The following ALDH1A2 variants were observed in gnomAD, a reference collection of about 807,000 sequenced individuals.
The protein encoded by ALDH1A2 is aldehyde dehydrogenase 1 family member A2, also known as retinal dehydrogenase 2.
Under a neutral mutation model 60.3 loss-of-function variants are expected in ALDH1A2, and 27 were observed. The observed-to-expected ratio is 0.45, with a 90% CI of 0.33 to 0.62. The LOEUF (loss-of-function observed/expected upper bound fraction) is 0.62. Among genes scored for constraint, ALDH1A2 ranks in the 20% least tolerant of loss-of-function variants. The pLI is 0.02. For synonymous variants in ALDH1A2, 289 were observed against 232.4 expected, an observed-to-expected ratio of 1.24 and a Z score of -2.21; for missense variants, 581 against 643.8, an observed-to-expected ratio of 0.90 and a Z score of 1.06.
intron 1 of ALDH1A2, among the ~76,000 whole-genome samples, chr15:58,025,128 T>C (rs1364834262): frequency 2.0e-5 from 3 of 151,796 alleles, no homozygotes; most frequent in East Asian, 1.9e-4. Context: ...CTTGAGAAAC[T>C]AGAAAAACGC....
At chr15:58,004,440 A>G (rs1026051668) in intron 4 of ALDH1A2, among the ~76,000 whole-genome samples, 2 of 151,766 alleles carry the variant, frequency 1.3e-5, no homozygotes, top group Admixed American at 6.6e-5. Context: ...TCAACGTGGT[A>G]CCCAACAGGT....
intron 7 of ALDH1A2, among the ~76,000 whole-genome samples, chr15:57,967,500 T>A (rs577332716): frequency 6.6e-6 from 1 of 152,236 alleles, no homozygotes; most frequent in African/African-American, 2.4e-5. Context: ...TCTCCCAAAC[T>A]GCCTGTGCTG....
chr15:57,999,166 A>G (rs1472314669), intron 4 of ALDH1A2, among the ~76,000 whole-genome samples: 1 of 152,180 alleles, frequency 6.6e-6, no homozygotes, highest in Non-Finnish European at 1.5e-5. Context: ...GAAAACGTCA[A>G]AAGCAATCGC....
At chr15:57,989,494 A>G (rs546968055) in intron 7 of ALDH1A2, among the ~76,000 whole-genome samples, 72 of 152,320 alleles carry the variant, frequency 4.7e-4, no homozygotes, top group Non-Finnish European at 9.1e-4. Context: ...TATGTTGCCT[A>G]TATTATAGTA....
intron 4 of ALDH1A2, among the ~76,000 whole-genome samples, chr15:57,996,031 G>A (rs1346201309): frequency 5.9e-5 from 9 of 151,940 alleles, no homozygotes. Flanking sequence ...CCGGCCCTTA[G>A]GCCACTTCAC....
At chr15:57,980,380 G>A (rs1018067888) in intron 7 of ALDH1A2, 4 of 371,894 alleles carry the variant, frequency 1.1e-5, no homozygotes, top group African/African-American at 4.2e-5. Context: ...TGATGAAGTT[G>A]GAGAGGTTTT....
At chr15:58,065,284 C>T in intron 1 of ALDH1A2, 1 of 526,694 alleles carries the variant, frequency 1.9e-6, no homozygotes. Context: ...GGGCAGGAGC[C>T]GTTGACGGCT....
chr15:57,959,352 T>TA (rs1242663187), intron 12 of ALDH1A2, among the ~76,000 whole-genome samples: 3 of 152,164 alleles, frequency 2.0e-5, no homozygotes, highest in Non-Finnish European at 4.4e-5. Flanking sequence ...AATGAAGACA[T>TA]ACCTGGAGTG....
rs1480009589 is a variant in ALDH1A2 at position 57,964,041 on chromosome 15, C to G, written c.930G>C (p.Gln310His). The G allele has an allele frequency of 6.2e-6, 10 of 1,614,158 alleles. No individual in the cohort carries two copies. The highest frequency in any genetic ancestry group is 1.7e-4 in the Middle Eastern group (1 of 6,056). ...DLDYAVEQAH[Q>H]GVFFNQGQCC... is the part of the protein sequence containing the mutation. ...ACTGACCTTGATTGAAGAACACACC[C>G]TGGTGGGCCTGCTCCACAGCATAGT... Residue 310 changes from glutamine to histidine, a missense_variant, in exon 9 of 13, where the codon CAG (glutamine) becomes CAC (histidine). Around this residue, in one of 2 missense-constraint regions of ALDH1A2, gnomAD observed 375 missense variants for 469.7 expected, o/e 0.80. Transcript: ENST00000249750.
intron 7 of ALDH1A2, among the ~76,000 whole-genome samples, chr15:57,981,603 T>C (rs929222872): frequency 1.3e-5 from 2 of 152,046 alleles, no homozygotes; most frequent in African/African-American, 4.8e-5. Context: ...GAAGAAGACA[T>C]GAAATAACAG....
rs1196624385 is a variant in ALDH1A2 at position 58,013,917 on chromosome 15, T to C, written c.304A>G (p.Arg102Gly). 1 of 1,614,028 alleles carries C rather than the reference T, an allele frequency of 6.2e-7. No homozygotes were observed. ...GCAAGCTTATCCAACAGACGTCCCC[T>C]TTCTGAAGCATCCATCCTTCTCCAC... Reference protein sequence around the residue: ...SVWRRMDASERGRLLDKLADL... With the variant: ...SVWRRMDASEGGRLLDKLADL... Residue 102 changes from arginine to glycine, a missense_variant, in exon 3 of 13, where the codon AGG becomes GGG. Arg to Gly is a moderately radical substitution (Grantham distance 125). Around this residue, in one of 2 missense-constraint regions of ALDH1A2, gnomAD observed 206 missense variants for 174.1 expected, o/e 1.18. Coordinates refer to ENST00000249750, the MANE Select transcript of ALDH1A2 (RefSeq NM_003888.4).
intron 1 of ALDH1A2, among the ~76,000 whole-genome samples, chr15:58,026,143 C>T (rs142726526): frequency 6.6e-6 from 1 of 152,142 alleles, no homozygotes. Context: ...AAACTACAAG[C>T]CAATATCCCT....
At chr15:58,064,871 G>C (rs1897133560) in intron 1 of ALDH1A2, among the ~76,000 whole-genome samples, 1 of 149,764 alleles carries the variant, frequency 6.7e-6, no homozygotes, top group African/African-American at 2.5e-5. Context: ...AAAAAAAAAA[G>C]TAAGTTCTTC....
Position 58,036,663 on chromosome 15 carries a change from G to T in ALDH1A2, c.118-22382C>A, listed in dbSNP as rs545556781. On this transcript the variant is annotated intron_variant, in intron 1 of 12. Coordinates refer to ENST00000249750, the MANE Select transcript of ALDH1A2 (RefSeq NM_003888.4). ...AAAGGCCTCTTCTGAGCATGAAATT[G>T]TAAGTACGACTGAAAATCCACAGAA... The T allele has an allele frequency of 2.0e-5, 3 of 151,672 alleles. No individual in the cohort carries two copies. In the South Asian group the frequency reaches 6.2e-4, roughly 31 times the overall value. The allele number at this position is 151,672 out of a possible 1,614,324, so 9.4% of individuals were successfully genotyped here.
chr15:58,004,502 A>G (rs987128185), intron 4 of ALDH1A2, among the ~76,000 whole-genome samples: 6 of 151,424 alleles, frequency 4.0e-5, no homozygotes, highest in Non-Finnish European at 5.9e-5. Flanking sequence ...AAGGCTCCCA[A>G]TGTGTATTAG....
intron 7 of ALDH1A2, chr15:57,979,930 T>C (rs1566936076): frequency 8.4e-6 from 3 of 358,298 alleles, no homozygotes; most frequent in Non-Finnish European, 1.7e-5. Context: ...ATTACCACAC[T>C]TGTCGGTTCC....
At chr15:57,976,766 T>G (rs1894273513) in intron 7 of ALDH1A2, among the ~76,000 whole-genome samples, 1 of 152,208 alleles carries the variant, frequency 6.6e-6, no homozygotes, top group Non-Finnish European at 1.5e-5. Context: ...TTATAATCCT[T>G]TGGGTATATA....
intron 1 of ALDH1A2, among the ~76,000 whole-genome samples, chr15:58,040,645 G>A (rs894209570): frequency 4.0e-5 from 6 of 151,810 alleles, no homozygotes; most frequent in African/African-American, 7.3e-5. Flanking sequence ...GCTGTTCCCC[G>A]TCTCCTCTGC....
At chr15:58,032,472 T>A (rs1259382825) in intron 1 of ALDH1A2, among the ~76,000 whole-genome samples, 3 of 152,124 alleles carry the variant, frequency 2.0e-5, no homozygotes, top group African/African-American at 7.2e-5. Context: ...AACCTGCACG[T>A]TGTGCACATG....
Sources: gnomAD v4.1 joint callset for allele counts (sites outside exome capture counted in the v4.1 genomes callset) on GRCh38, gnomAD v4.1.1 for gene constraint, gnomAD v4.1.1 regional missense constraint, MANE v1.5 for transcripts, NCBI Gene and HGNC (gene_info 2026-07-23, HGNC 2026-07-21) for gene names.